ATP11A: variants seen among roughly 807,000 people sequenced by gnomAD.
ATP11A encodes phospholipid-transporting ATPase IH.
A neutral mutation model predicts 154.4 loss-of-function variants in ATP11A; 81 were observed. The ratio of observed to expected loss-of-function variants is 0.52; its 90% CI spans 0.44 to 0.63. The LOEUF is 0.63. ATP11A is among the 30% of genes least tolerant of loss of function. ATP11A has a pLI of 0.00. For missense variants in ATP11A, 1,316 were observed against 1,474.3 expected, an observed-to-expected ratio of 0.89 and a Z score of 1.76; for synonymous variants, 623 against 585.9, an observed-to-expected ratio of 1.06 and a Z score of -0.91.
chr13:112,782,245 G>A (rs1166182508), intron 1 of ATP11A, among the ~76,000 whole-genome samples: 1 of 152,352 alleles, frequency 6.6e-6, no homozygotes, highest in East Asian at 1.9e-4. Flanking sequence ...GTTGCTGGCT[G>A]GAAGCGGCCG....
chr13:112,876,177 A>G, intron 28 of ATP11A: 1 of 380,976 alleles, frequency 2.6e-6, no homozygotes, highest in Non-Finnish European at 4.5e-6. Context: ...GACACAAATA[A>G]GAGAAAAAAG....
At chr13:112,782,399 C>T (rs1046927994) in intron 1 of ATP11A, among the ~76,000 whole-genome samples, 1 of 152,218 alleles carries the variant, frequency 6.6e-6, no homozygotes, top group Non-Finnish European at 1.5e-5. Flanking sequence ...CTAGGATTTT[C>T]ACTTTTGTAT....
At chr13:112,804,923 C>A in intron 2 of ATP11A, 34 bp from the exon 3 acceptor site, 1 of 1,390,680 alleles carries the variant, frequency 7.2e-7, no homozygotes, top group Non-Finnish European at 1.0e-6. Flanking sequence ...AAAATCTGAT[C>A]TCAATGATGG....
chr13:112,810,839 G>A (rs917782270), intron 5 of ATP11A, 113 bp downstream of exon 5: 40 of 896,684 alleles, frequency 4.5e-5, no homozygotes, highest in Non-Finnish European at 1.9e-5. Context: ...AGGAGGCTGA[G>A]GCAGGAGGAT....
intron 29 of ATP11A, chr13:112,881,552 T>G (rs2080885094): frequency 8.7e-7 from 1 of 1,148,788 alleles, no homozygotes. Flanking sequence ...TTCCCTGGGA[T>G]GGTGGGACAG....
intron 25 of ATP11A, 31 bp from the exon 26 acceptor site, chr13:112,871,704 C>T (rs1464015665): frequency 1.8e-5 from 29 of 1,597,988 alleles, no homozygotes; most frequent in Middle Eastern, 1.7e-4. Flanking sequence ...TACATAAAAA[C>T]GAGATGACTT....
chr13:112,878,211 A>G lies in ATP11A; in HGVS notation c.3328-6A>G. 6.2e-7 allele frequency: 1 copy of G among 1,614,106 alleles called. No homozygotes were observed. Among genetic ancestry groups the G allele is most frequent in the Non-Finnish European group, 8.5e-7 (1 of 1,179,946 alleles). On this transcript the variant is annotated splice_polypyrimidine_tract_variant and splice_region_variant and intron_variant, in intron 28 of 29. Transcript: ENST00000375645. ...TGTGTGCGTGGCCGCTGACCTCGGGACTAAGACTAAGAGCCAGTGCCTTTC... is the reference window on the plus strand; with the variant it reads ...TGTGTGCGTGGCCGCTGACCTCGGGGCTAAGACTAAGAGCCAGTGCCTTTC...
chr13:112,875,651 G>C lies in ATP11A; in HGVS notation c.3162-125G>C. On this transcript the variant is annotated intron_variant, in intron 27 of 29. Coordinates refer to ENST00000375645, the MANE Select transcript of ATP11A (RefSeq NM_015205.3). This position sits in a 1 kb window ranked among gnomAD's most constrained non-coding sequence, Gnocchi z 4.1. ...TGATAAATTCAGAGCAGGCTCCGTG[G>C]CTTGCCAAGCAACTCTCACTGACAA... The C allele has an allele frequency of 1.9e-6, 2 of 1,068,632 alleles. No homozygotes were observed. The highest frequency in any genetic ancestry group is 2.7e-6 in the Non-Finnish European group (2 of 748,944). The allele number at this position is 1,068,632 out of a possible 1,614,324, so 66.2% of individuals were successfully genotyped here.
rs1435453242 is a variant in ATP11A at position 112,831,320 on chromosome 13, C to T, written c.1222-55C>T. ...AAACACGGCTGCTGTGTGTCTGAGTCGGGGACGTGCGGGCCTCCCTCAGAG... is the reference window on the plus strand; with the variant it reads ...AAACACGGCTGCTGTGTGTCTGAGTTGGGGACGTGCGGGCCTCCCTCAGAG... On this transcript the variant is annotated intron_variant, in intron 12 of 29. Transcript: ENST00000375645. The T allele has an allele frequency of 9.5e-6, 15 of 1,576,966 alleles. No homozygotes were observed. The African/African-American group carries it at 1.1e-4, about 11-fold the overall frequency.
At chr13:112,837,235 G>A (rs918945259) in intron 16 of ATP11A, among the ~76,000 whole-genome samples, 4 of 152,320 alleles carry the variant, frequency 2.6e-5, no homozygotes, top group Admixed American at 2.6e-4. Flanking sequence ...TTGTCCTCAA[G>A]TGTCCCCAGA....
chr13:112,885,880 G>T lies in ATP11A; in HGVS notation c.*4014G>T, dbSNP rs903787292. 1 of 152,312 alleles carries T rather than the reference G, an allele frequency of 6.6e-6. No individual in the cohort carries two copies. The highest frequency in any genetic ancestry group is 1.5e-5 in the Non-Finnish European group (1 of 68,084). The allele number at this position is 152,312 out of a possible 1,614,324, so 9.4% of individuals were successfully genotyped here. The stretch of plus-strand genomic sequence containing the variant: ...GGGCTTTGCAGAGCAGGCCCCGGGG[G>T]TGAAGTCGCAGCTTCACTTACACCA... On this transcript the variant is annotated 3_prime_UTR_variant, in exon 30 of 30. Coordinates refer to ENST00000375645, the MANE Select transcript of ATP11A (RefSeq NM_015205.3).
intron 1 of ATP11A, among the ~76,000 whole-genome samples, chr13:112,745,086 A>G (rs566301792): frequency 6.6e-6 from 1 of 152,336 alleles, no homozygotes; most frequent in Non-Finnish European, 1.5e-5. Context: ...ATTATTTGAG[A>G]CGGAGTCTTA....
intron 27 of ATP11A, among the ~76,000 whole-genome samples, chr13:112,873,879 A>T (rs1032521472): frequency 6.6e-6 from 1 of 152,152 alleles, no homozygotes. Flanking sequence ...GGTGACTTGC[A>T]TCTTCCGGGG....
At chr13:112,751,683 A>C (rs438674) in intron 1 of ATP11A, among the ~76,000 whole-genome samples, 35,295 of 150,870 alleles carry the variant, frequency 0.23, 4,872 homozygotes, top group African/African-American at 0.38. Flanking sequence ...CAAAACAAAA[A>C]AAAAAACAGA....
intron 1 of ATP11A, among the ~76,000 whole-genome samples, chr13:112,738,555 A>T (rs949489851): frequency 6.6e-6 from 1 of 152,210 alleles, no homozygotes; most frequent in African/African-American, 2.4e-5. Context: ...AGTGCCGCAG[A>T]TAAGCCGACT....
At chr13:112,712,254 G>A (rs540402691) in intron 1 of ATP11A, among the ~76,000 whole-genome samples, 2 of 152,284 alleles carry the variant, frequency 1.3e-5, no homozygotes, top group South Asian at 2.1e-4. Flanking sequence ...TGGTGCCCAC[G>A]GGGGAAGAGC....
At chr13:112,717,312 C>T (rs1345011537) in intron 1 of ATP11A, 1 of 152,128 alleles carries the variant, frequency 6.6e-6, no homozygotes, top group Non-Finnish European at 1.5e-5. Flanking sequence ...TTTTTCTACT[C>T]TTATTTCAGA....
Position 112,824,628 on chromosome 13 carries a change from C to T in ATP11A, c.872+203C>T, listed in dbSNP as rs762293703. On this transcript the variant is annotated intron_variant, in intron 10 of 29. Coordinates refer to ENST00000375645, the MANE Select transcript of ATP11A (RefSeq NM_015205.3). ...CACCCCTCCTTCCTGCTCTTTCTAACGCCTGATACCAGGTTCACAGCGCTG... is the reference window on the plus strand; with the variant it reads ...CACCCCTCCTTCCTGCTCTTTCTAATGCCTGATACCAGGTTCACAGCGCTG... Among the ~76,000 whole-genome samples the T allele has an allele frequency of 2.6e-5, 4 of 152,178 alleles. 1 individual carries two copies. The highest frequency in any genetic ancestry group is 4.1e-4 in the South Asian group (2 of 4,832).
intron 2 of ATP11A, among the ~76,000 whole-genome samples, chr13:112,789,883 T>C (rs561765313): frequency 1.2e-4 from 18 of 151,114 alleles, no homozygotes; most frequent in Non-Finnish European, 2.5e-4. Context: ...TGTCCTGATG[T>C]GTAGACCCCT....
Sources: allele counts gnomAD v4.1 joint callset (sites outside exome capture counted in the v4.1 genomes callset), GRCh38; gene constraint gnomAD v4.1.1; non-coding constraint Gnocchi (gnomAD v3.1); transcripts MANE v1.5; gene names NCBI Gene and HGNC (gene_info 2026-07-23, HGNC 2026-07-21).